JAG1: variants seen among roughly 807,000 people sequenced by gnomAD.
The protein encoded by JAG1 is protein jagged-1.
Under a neutral mutation model 148.7 loss-of-function variants are expected in JAG1, and 23 were observed. That is an observed-to-expected ratio of 0.15 (90% CI 0.11 to 0.22). JAG1 has a LOEUF of 0.22. JAG1 is among the 10% of genes least tolerant of loss of function. JAG1 has a pLI of 1.00. For missense variants in JAG1, 1,054 were observed against 1,611.2 expected (o/e 0.65, Z 5.92); for synonymous variants, 572 against 598.3 (o/e 0.96, Z 0.64).
intron 25 of JAG1, 150 bp downstream of exon 25, chr20:10,640,633 T>A: frequency 1.3e-6 from 1 of 784,276 alleles, no homozygotes; most frequent in Non-Finnish European, 2.2e-6. Context: ...GTGACCTTAG[T>A]AAAGTAGGCT....
At position 10,641,443 on chromosome 20, in the gene JAG1, C is replaced by A. The variant is rs767489867; in HGVS notation, c.2916+17G>T. ...AGACATCCACCATTCAAAAAAAAAA[C>A]AAAGGTTGTTACATACTGGTGACAT... On this transcript the variant is annotated intron_variant, in intron 23 of 25. Transcript: ENST00000254958. 1.9e-6 allele frequency: 3 copies of A among 1,549,464 alleles called. No individual in the cohort carries two copies. Among genetic ancestry groups the A allele is most frequent in the South Asian group, 1.1e-5 (1 of 89,636 alleles).
Position 10,654,722 on chromosome 20 carries a change from G to A in JAG1, c.755+1676C>T, listed in dbSNP as rs571661244. ...TATGCAAATGATGTGTGGGAAAGTC[G>A]CACCTTAAGTAAATAAGGCCATCAG... is the stretch of plus-strand genomic sequence containing the variant. On this transcript the variant is annotated intron_variant, in intron 5 of 25. Transcript: ENST00000254958. Among the ~76,000 whole-genome samples, 12 of 152,284 alleles carry A rather than the reference G, an allele frequency of 7.9e-5. No individual in the cohort carries two copies. In the South Asian group the frequency reaches 8.3e-4, roughly 11 times the overall value.
chr20:10,671,780 A>T (rs1364962243), intron 2 of JAG1, among the ~76,000 whole-genome samples: 1 of 151,848 alleles, frequency 6.6e-6, no homozygotes, highest in Non-Finnish European at 1.5e-5. Flanking sequence ...CCATTTTGGG[A>T]TGTTGCAAGG....
intron 4 of JAG1, among the ~76,000 whole-genome samples, chr20:10,658,154 C>T (rs1426132809): frequency 6.6e-6 from 1 of 152,202 alleles, no homozygotes; most frequent in Admixed American, 6.5e-5. Flanking sequence ...AGCCCTATGT[C>T]TGTCAATCAC....
At position 10,647,993 on chromosome 20, in the gene JAG1, G is replaced by A. The variant is rs6040052; in HGVS notation, c.1687C>T (p.Leu563=). Residue 563 remains leucine (L), a synonymous_variant, in exon 13 of 26, where the codon CTG becomes TTG. Coordinates refer to ENST00000254958, the MANE Select transcript of JAG1 (RefSeq NM_000214.3). ...GGGGTCGTGCGGCAGTGGTCTTTCA[G>A]GTGTGAGCAGTTCTTGCCCTCATAG... ...EDYEGKNCSH[L]KDHCRTTPCE... is the part of the protein sequence containing the mutation. The A allele has an allele frequency of 6.2e-7, 1 of 1,614,208 alleles. No homozygotes were observed. Among genetic ancestry groups the A allele is most frequent in the East Asian group, 2.2e-5 (1 of 44,888 alleles).
chr20:10,662,990 G>A (rs540675210), intron 3 of JAG1, among the ~76,000 whole-genome samples: 11 of 152,118 alleles, frequency 7.2e-5, no homozygotes, highest in African/African-American at 2.4e-4. Context: ...CAGGCACCAA[G>A]CCCTCACTGC....
At position 10,672,914 on chromosome 20, in the gene JAG1, G is replaced by A. The variant is rs1396740001; in HGVS notation, c.174C>T (p.Ala58=). ...ELQNGNCCGG[A]RNPGDRKCTR... Reference sequence around the variant, plus strand: ...TGCACTTGCGGTCTCCCGGGTTCCGGGCGCCGCCGCAGCAGTTCCCGTTCT... The same window carrying A: ...TGCACTTGCGGTCTCCCGGGTTCCGAGCGCCGCCGCAGCAGTTCCCGTTCT... Residue 58 remains alanine (A), a synonymous_variant, in exon 2 of 26, where the codon GCC becomes GCT. Transcript: ENST00000254958. The A allele has an allele frequency of 3.7e-6, 6 of 1,613,160 alleles. No homozygotes were observed. The highest frequency in any genetic ancestry group is 5.1e-6 in the Non-Finnish European group (6 of 1,180,016).
chr20:10,665,929 C>A (rs1169456338), intron 2 of JAG1, among the ~76,000 whole-genome samples: 1 of 152,184 alleles, frequency 6.6e-6, no homozygotes, highest in African/African-American at 2.4e-5. Context: ...CTCGCCAGAA[C>A]TGGGAAAACC....
At chr20:10,648,482 A>AGCGGAGG in intron 12 of JAG1, 67 bp downstream of exon 12, 1 of 1,306,374 alleles carries the variant, frequency 7.7e-7, no homozygotes, top group Non-Finnish European at 1.1e-6. Context: ...GGAAAAGTAA[A>AGCGGAGG]GGGAAGCGGA....
In JAG1 at chr20:10,642,513, C is replaced by T; in HGVS notation, c.2547G>A (p.Gly849=). ...CTTCCTGGCACTTGGCACCACTGTG[C>T]CCTGGAGGGCAGACACACCGGTAGC... The part of the protein sequence containing the change: ...INGYRCVCPP[G]HSGAKCQEVS... The change falls in exon 21 of 26, where the codon GGG becomes GGA. Residue 849 remains glycine (G), a synonymous_variant. Coordinates refer to ENST00000254958, the MANE Select transcript of JAG1 (RefSeq NM_000214.3). The T allele has an allele frequency of 1.2e-6, 2 of 1,612,618 alleles. No individual in the cohort carries two copies. Among genetic ancestry groups the T allele is most frequent in the Non-Finnish European group, 1.7e-6 (2 of 1,178,716 alleles).
rs550425435 is a variant in JAG1, at chr20:10,638,400, T to G, written c.*1098A>C. ...GTGCTTCCAAGTTCACACAATTAAT[T>G]TGATATTTTTAATCATATTCAACCA... On this transcript the variant is annotated 3_prime_UTR_variant, in exon 26 of 26. Transcript: ENST00000254958. The G allele has an allele frequency of 6.5e-6, 1 of 152,774 alleles. No homozygotes were observed. The highest frequency in any genetic ancestry group is 1.5e-5 in the Non-Finnish European group (1 of 68,034). 9.5% of individuals were successfully genotyped at this position (152,774 alleles called of 1,614,324 possible).
At chr20:10,640,221 T>A (rs1453892132) in intron 25 of JAG1, among the ~76,000 whole-genome samples, 1 of 152,204 alleles carries the variant, frequency 6.6e-6, no homozygotes, top group Non-Finnish European at 1.5e-5. Flanking sequence ...TGACTTCGCA[T>A]GGGGAGAGCA....
rs1446622125 is a variant in JAG1, at chr20:10,672,722, C to T, written c.366G>A (p.Leu122=). The change falls in exon 2 of 26, where the codon CTG becomes CTA. Residue 122 remains leucine (L), a synonymous_variant. Coordinates refer to ENST00000254958, the MANE Select transcript of JAG1 (RefSeq NM_000214.3). ...TCACCGGCCAGGCGAAACTGAAAGG[C>T]AGCACGATGCGGTTGCGGTCGTTGC... ...SRGNDRNRIV[L]PFSFAWPRSY... is the part of the protein sequence containing the mutation. 2 of 1,612,968 alleles carry T rather than the reference C, an allele frequency of 1.2e-6. No individual in the cohort carries two copies. The highest frequency in any genetic ancestry group is 4.5e-5 in the East Asian group (2 of 44,878).
intron 9 of JAG1, 38 bp downstream of exon 9, chr20:10,650,209 C>G (rs1300756709): frequency 2.2e-6 from 3 of 1,377,370 alleles, no homozygotes; most frequent in Non-Finnish European, 1.0e-6. Context: ...TCAAAGCCAA[C>G]CTTGGTATAA....
At position 10,641,477 on chromosome 20, in the gene JAG1, T is replaced by C; in HGVS notation, c.2899A>G (p.Lys967Glu). 6.2e-7 allele frequency: 1 copy of C among 1,613,714 alleles called. No individual in the cohort carries two copies. The highest frequency in any genetic ancestry group is 8.5e-7 in the Non-Finnish European group (1 of 1,179,742). ...TTACATACTGGTGACATCATCTCCT[T>C]GTTAAAGGTAAATGTGATGTTCGCA... is the stretch of plus-strand genomic sequence containing the variant. Reference protein sequence around the residue: ...NCANITFTFNKEMMSPGLTTE... With the variant: ...NCANITFTFNEEMMSPGLTTE... Residue 967 changes from lysine to glutamate, a missense_variant, in exon 23 of 26, where the codon AAG (lysine) becomes GAG (glutamate). This residue lies in a region of JAG1 where 342 missense variants were observed against 514.6 expected (regional missense o/e 0.66). Coordinates refer to ENST00000254958, the MANE Select transcript of JAG1 (RefSeq NM_000214.3).
chr20:10,640,534 G>A (rs375838017), intron 25 of JAG1, among the ~76,000 whole-genome samples: 2 of 152,202 alleles, frequency 1.3e-5, no homozygotes, highest in African/African-American at 4.8e-5. Context: ...GCTTTGTCAC[G>A]GATCTAGCAC....
At chr20:10,659,198 A>G (rs867918843) in intron 3 of JAG1, among the ~76,000 whole-genome samples, 2 of 152,272 alleles carry the variant, frequency 1.3e-5, no homozygotes, top group Admixed American at 6.5e-5. Flanking sequence ...CCAACGTTGT[A>G]CATTATCAAA....
At chr20:10,654,231 C>A (rs1008007373) in intron 5 of JAG1, among the ~76,000 whole-genome samples, 3 of 152,158 alleles carry the variant, frequency 2.0e-5, no homozygotes, top group Admixed American at 6.5e-5. Context: ...GAGGACCCAA[C>A]CTCACCTAAT....
Position 10,673,051 on chromosome 20 carries a change from T to C in JAG1, c.82-45A>G. 1 of 1,577,004 alleles carries C rather than the reference T, an allele frequency of 6.3e-7. No homozygotes were observed. The highest frequency in any genetic ancestry group is 8.6e-7 in the Non-Finnish European group (1 of 1,159,948). On this transcript the variant is annotated intron_variant, in intron 1 of 25. Transcript: ENST00000254958. This position sits in a 1 kb window ranked among gnomAD's most constrained non-coding sequence, Gnocchi z 4.7. ...GTAGGTCAGCGCGGGAGAAAGCTGT[T>C]TTCTTCGAGTATAGAGGTGGCGACT...
Sources: allele counts gnomAD v4.1 joint callset (sites outside exome capture counted in the v4.1 genomes callset), GRCh38; gene constraint gnomAD v4.1.1; regional missense constraint gnomAD v4.1.1; non-coding constraint Gnocchi (gnomAD v3.1); transcripts MANE v1.5; gene names NCBI Gene and HGNC (gene_info 2026-07-23, HGNC 2026-07-21).